The following SLC22A11 variants were observed in gnomAD, a reference collection of about 807,000 sequenced individuals.
SLC22A11 encodes the protein solute carrier family 22 member 11, also known as organic anion transporter 4.
Under a neutral mutation model 49.4 loss-of-function variants are expected in SLC22A11, and 42 were observed. The observed-to-expected ratio is 0.85, with a 90% CI of 0.66 to 1.10. The LOEUF (loss-of-function observed/expected upper bound fraction) is 1.10, where lower values mean the gene tolerates loss of function less well. Ranked by LOEUF, SLC22A11 falls within the 50% of genes least tolerant of loss-of-function variation. SLC22A11 has a pLI of 0.00. For synonymous variants in SLC22A11, 304 were observed against 315.8 expected (o/e 0.96, Z 0.40); for missense variants, 685 against 731.6 (o/e 0.94, Z 0.74).
rs2038591504 is a variant in SLC22A11 at position 64,564,250 on chromosome 11, C to T, written c.822-58C>T. 6.2e-6 allele frequency: 10 copies of T among 1,604,686 alleles called. No homozygotes were observed. In the Admixed American group the frequency reaches 1.0e-4, roughly 16 times the overall value. On this transcript the variant is annotated intron_variant, in intron 4 of 9. Coordinates refer to ENST00000301891, the MANE Select transcript of SLC22A11 (RefSeq NM_018484.4). This position sits in a 1 kb window ranked among gnomAD's most constrained non-coding sequence, Gnocchi z 4.2. ...GGTCCGTGCCCACTGCCCCTTTCCACCCCGCCCCGGGGGAGAGCCCAGCGT... is the reference window on the plus strand; with the variant it reads ...GGTCCGTGCCCACTGCCCCTTTCCATCCCGCCCCGGGGGAGAGCCCAGCGT...
At chr11:64,560,595 C>G (rs755719359) in intron 2 of SLC22A11, among the ~76,000 whole-genome samples, 10 of 152,228 alleles carry the variant, frequency 6.6e-5, no homozygotes, top group Non-Finnish European at 1.3e-4. Context: ...AGGAGGCCCT[C>G]CGAGGCCACG....
At chr11:64,567,860 C>G (rs1309913452) in intron 7 of SLC22A11, 47 bp downstream of exon 7, 2 of 1,529,602 alleles carry the variant, frequency 1.3e-6, no homozygotes, top group East Asian at 2.4e-5. Context: ...GCTTCCCCGC[C>G]CACCCCACTG....
chr11:64,564,516 C>T lies in SLC22A11; in HGVS notation c.942+88C>T. ...GTGGCCTCCAACAGCACCACCCACTCCAGCACCACCTCCACCAGCACCACC... is the reference window on the plus strand; with the variant it reads ...GTGGCCTCCAACAGCACCACCCACTTCAGCACCACCTCCACCAGCACCACC... On this transcript the variant is annotated intron_variant, in intron 5 of 9. Coordinates refer to ENST00000301891, the MANE Select transcript of SLC22A11 (RefSeq NM_018484.4). The surrounding 1 kb of genome is among the most constrained non-coding windows in gnomAD (Gnocchi z 4.2). 1 of 1,500,352 alleles carries T rather than the reference C, an allele frequency of 6.7e-7. No individual in the cohort carries two copies. The highest frequency in any genetic ancestry group is 1.2e-5 in the South Asian group (1 of 81,138). 92.9% of individuals were successfully genotyped at this position (1,500,352 alleles called of 1,614,324 possible).
rs1001665587 is a variant in SLC22A11 at position 64,565,527 on chromosome 11, G to A, written c.1058+190G>A. ...CTGGCAGGCAGCAGAGAGGGACTAT[G>A]CACAGGTGGGATCTGGAGGCTGCCA... On this transcript the variant is annotated intron_variant, in intron 6 of 9. Transcript: ENST00000301891. The surrounding 1 kb of genome is among the most constrained non-coding windows in gnomAD (Gnocchi z 4.1). The A allele has an allele frequency of 3.0e-6, 2 of 659,108 alleles. No individual in the cohort carries two copies. The highest frequency in any genetic ancestry group is 5.6e-6 in the Non-Finnish European group (2 of 358,052). 40.8% of individuals were successfully genotyped at this position (659,108 alleles called of 1,614,324 possible). A position where few individuals can be genotyped will look rare whatever the true frequency, so the allele number is the denominator to read the frequency against.
intron 1 of SLC22A11, among the ~76,000 whole-genome samples, chr11:64,557,015 G>T (rs555807622): frequency 2.0e-5 from 3 of 152,162 alleles, no homozygotes; most frequent in Non-Finnish European, 4.4e-5. Flanking sequence ...GATTCGGATC[G>T]GGGCTCCGGT....
chr11:64,561,098 G>T (rs542983021), intron 2 of SLC22A11, among the ~76,000 whole-genome samples: 4 of 152,340 alleles, frequency 2.6e-5, no homozygotes, highest in Non-Finnish European at 4.4e-5. Flanking sequence ...AGCAGAACGG[G>T]CTTGAGTGGC....
intron 1 of SLC22A11, among the ~76,000 whole-genome samples, chr11:64,557,387 G>A (rs998602072): frequency 1.3e-5 from 2 of 152,168 alleles, no homozygotes; most frequent in Non-Finnish European, 2.9e-5. Flanking sequence ...GGTGAGGAGC[G>A]GCAGCCTCCT....
Position 64,562,066 on chromosome 11 carries a change from C to T in SLC22A11, c.560C>T (p.Thr187Ile). ...CLQLAVAGTS[T>I]IFAPTFVIYC... ...CAGTTGGCCGTGGCGGGCACCAGCA[C>T]CATCTTCGCCCCAACATTCGTCATC... Residue 187 changes from threonine (T) to isoleucine (I), a missense_variant, in exon 3 of 10, where the codon ACC becomes ATC. Transcript: ENST00000301891. This position sits in a 1 kb window ranked among gnomAD's most constrained non-coding sequence, Gnocchi z 4.4. The T allele has an allele frequency of 6.2e-7, 1 of 1,613,816 alleles. No homozygotes were observed. Among genetic ancestry groups the T allele is most frequent in the South Asian group, 1.1e-5 (1 of 91,088 alleles).
chr11:64,569,644 AC>A lies in SLC22A11; in HGVS notation c.1383-5del. 6.2e-7 allele frequency: 1 copy of A among 1,611,504 alleles called. No individual in the cohort carries two copies. Among genetic ancestry groups the A allele is most frequent in the Non-Finnish European group, 8.5e-7 (1 of 1,178,308 alleles). ...TACAGGGATCTGGGCCCTCCCCTTC[AC>A]CCACAGGATGACAGCAGATGGCATT... On this transcript the variant is annotated splice_polypyrimidine_tract_variant and splice_region_variant and intron_variant, in intron 8 of 9. Coordinates refer to ENST00000301891, the MANE Select transcript of SLC22A11 (RefSeq NM_018484.4).
chr11:64,562,957 G>A lies in SLC22A11; in HGVS notation c.821+522G>A, dbSNP rs1000150332. On this transcript the variant is annotated intron_variant, in intron 4 of 9. Coordinates refer to ENST00000301891, the MANE Select transcript of SLC22A11 (RefSeq NM_018484.4). The surrounding 1 kb of genome is among the most constrained non-coding windows in gnomAD (Gnocchi z 4.4). ...AGCTTCACTCCTTCACATACAGTGC[G>A]GACCAACATTGGATATGAAAATAGA... Among the ~76,000 whole-genome samples the A allele has an allele frequency of 4.6e-5, 7 of 152,100 alleles. No homozygotes were observed. The highest frequency in any genetic ancestry group is 7.4e-5 in the Non-Finnish European group (5 of 68,022).
Position 64,564,541 on chromosome 11 carries a change from C to A in SLC22A11, c.942+113C>A. 1 of 1,320,328 alleles carries A rather than the reference C, an allele frequency of 7.6e-7. No homozygotes were observed. The highest frequency in any genetic ancestry group is 1.1e-6 in the Non-Finnish European group (1 of 947,648). The allele number at this position is 1,320,328 out of a possible 1,614,324, so 81.8% of individuals were successfully genotyped here. A position where few individuals can be genotyped will look rare whatever the true frequency, so the allele number is the denominator to read the frequency against. ...CCAGCACCACCTCCACCAGCACCAC[C>A]ACCAGCATCTCCACAGACACCACCA... On this transcript the variant is annotated intron_variant, in intron 5 of 9. Coordinates refer to ENST00000301891, the MANE Select transcript of SLC22A11 (RefSeq NM_018484.4). The surrounding 1 kb of genome is among the most constrained non-coding windows in gnomAD (Gnocchi z 4.2).
chr11:64,561,899 G>T (rs2038549374), intron 2 of SLC22A11, 105 bp from the exon 3 acceptor site: 1 of 1,358,922 alleles, frequency 7.4e-7, no homozygotes, highest in East Asian at 2.4e-5. Context: ...CTGGCTGCAA[G>T]AGATCCCCTG....
chr11:64,562,556 T>G lies in SLC22A11; in HGVS notation c.821+121T>G, dbSNP rs891002730. 19 of 1,087,374 alleles carry G rather than the reference T, an allele frequency of 1.7e-5. No homozygotes were observed. The highest frequency in any genetic ancestry group is 2.2e-4 in the Middle Eastern group (1 of 4,612). 67.4% of individuals were successfully genotyped at this position (1,087,374 alleles called of 1,614,324 possible). On this transcript the variant is annotated intron_variant, in intron 4 of 9. Transcript: ENST00000301891. This position sits in a 1 kb window ranked among gnomAD's most constrained non-coding sequence, Gnocchi z 4.4. The stretch of plus-strand genomic sequence containing the variant: ...GGAGTGCCACAGAAGGGCCATGGCA[T>G]GAGCGGCACCCTCGCTAGGGAGGGA...
At position 64,565,433 on chromosome 11, in the gene SLC22A11, ACCCGCAGG is replaced by A; in HGVS notation, c.1058+99_1058+106del. ...AGGCAGAGCGTCCAGGGGAAACAGC[ACCCGCAGG>A]CCTCAAGGGGGTGCATTTCTGTCTG... On this transcript the variant is annotated intron_variant, in intron 6 of 9. Coordinates refer to ENST00000301891, the MANE Select transcript of SLC22A11 (RefSeq NM_018484.4). This position sits in a 1 kb window ranked among gnomAD's most constrained non-coding sequence, Gnocchi z 4.1. 1 of 1,006,526 alleles carries A rather than the reference ACCCGCAGG, an allele frequency of 9.9e-7. No homozygotes were observed. Among genetic ancestry groups the A allele is most frequent in the South Asian group, 1.4e-5 (1 of 73,010 alleles). The allele number at this position is 1,006,526 out of a possible 1,614,324, so 62.3% of individuals were successfully genotyped here.
intron 7 of SLC22A11, 24 bp downstream of exon 7, chr11:64,567,837 G>C: frequency 6.4e-7 from 1 of 1,550,882 alleles, no homozygotes; most frequent in Non-Finnish European, 8.7e-7. Flanking sequence ...ACTGGGCGGT[G>C]GGACCGGGCC....
rs2038719783 is a variant in SLC22A11 at position 64,572,724 on chromosome 11, T to C, written c.*1682T>C. 6.6e-6 allele frequency: 1 copy of C among 152,250 alleles called. No homozygotes were observed. The highest frequency in any genetic ancestry group is 2.4e-5 in the African/African-American group (1 of 41,454). The allele number at this position is 152,250 out of a possible 1,614,324, so 9.4% of individuals were successfully genotyped here. A position where few individuals can be genotyped will look rare whatever the true frequency, so the allele number is the denominator to read the frequency against. On this transcript the variant is annotated 3_prime_UTR_variant, in exon 10 of 10. Coordinates refer to ENST00000301891, the MANE Select transcript of SLC22A11 (RefSeq NM_018484.4). The stretch of plus-strand genomic sequence containing the variant: ...TCCCTCCCTGCTGAAAGCCCTCCAG[T>C]GGCTCACAATAAGGATCACACTTCT...
chr11:64,565,611 G>A lies in SLC22A11; in HGVS notation c.1058+274G>A, dbSNP rs2038614626. On this transcript the variant is annotated intron_variant, in intron 6 of 9. Coordinates refer to ENST00000301891, the MANE Select transcript of SLC22A11 (RefSeq NM_018484.4). The surrounding 1 kb of genome is among the most constrained non-coding windows in gnomAD (Gnocchi z 4.1). ...GCTGGGGGTCCCAGGGTCCCAGGGA[G>A]GTCCCAAGACAGAGGCAGAGCCAGG... is the stretch of plus-strand genomic sequence containing the variant. 3.7e-6 allele frequency: 2 copies of A among 539,466 alleles called. No homozygotes were observed. The highest frequency in any genetic ancestry group is 7.1e-6 in the Non-Finnish European group (2 of 281,390). 33.4% of individuals were successfully genotyped at this position (539,466 alleles called of 1,614,324 possible).
intron 6 of SLC22A11, chr11:64,566,328 T>C (rs1418425850): frequency 1.3e-5 from 2 of 152,154 alleles, no homozygotes; most frequent in Non-Finnish European, 2.9e-5. Context: ...AAACGTTTCT[T>C]TTATGCTATA....
Position 64,564,258 on chromosome 11 carries a change from C to A in SLC22A11, c.822-50C>A. Reference sequence around the variant, plus strand: ...CCCACTGCCCCTTTCCACCCCGCCCCGGGGGAGAGCCCAGCGTGCACTCCC... The same window carrying A: ...CCCACTGCCCCTTTCCACCCCGCCCAGGGGGAGAGCCCAGCGTGCACTCCC... On this transcript the variant is annotated intron_variant, in intron 4 of 9. Transcript: ENST00000301891. The surrounding 1 kb of genome is among the most constrained non-coding windows in gnomAD (Gnocchi z 4.2). 6.2e-7 allele frequency: 1 copy of A among 1,608,932 alleles called. No individual in the cohort carries two copies. Among genetic ancestry groups the A allele is most frequent in the Middle Eastern group, 1.7e-4 (1 of 6,032 alleles).
Sources: gnomAD v4.1 joint callset for allele counts (sites outside exome capture counted in the v4.1 genomes callset) on GRCh38, gnomAD v4.1.1 for gene constraint, Gnocchi (gnomAD v3.1) non-coding constraint, MANE v1.5 for transcripts, NCBI Gene and HGNC (gene_info 2026-07-23, HGNC 2026-07-21) for gene names.